PDZD2: variants seen among roughly 807,000 people sequenced by gnomAD.
PDZD2 encodes the protein PDZ domain containing 2, also known as PDZ domain-containing protein 2.
In PDZD2, 90 loss-of-function variants were observed where a neutral mutation model predicts 220.7. The ratio of observed to expected loss-of-function variants is 0.41; its 90% confidence interval spans 0.34 to 0.49. The LOEUF (loss-of-function observed/expected upper bound fraction) is 0.49. Among genes scored for constraint, PDZD2 ranks in the 20% least tolerant of loss-of-function variants. The pLI, the probability that PDZD2 is intolerant of heterozygous loss-of-function variation, is 0.28. For missense variants in PDZD2, 3,174 were observed against 3,608.5 expected, an observed-to-expected ratio of 0.88 and a Z score of 3.08; for synonymous variants, 1,375 against 1,450.5, an observed-to-expected ratio of 0.95 and a Z score of 1.18.
chr5:31,773,253 C>T lies in PDZD2; in HGVS notation c.-360-25636C>T, dbSNP rs145538289. ...AGCCCCTTTCCTTTACTCAAAAAAG[C>T]TCCTAGACTTATTTAATCATGAGAC... On this transcript the variant is annotated intron_variant, in intron 1 of 24. Coordinates refer to ENST00000438447, the MANE Select transcript of PDZD2 (RefSeq NM_178140.4). 5.3e-4 allele frequency among the ~76,000 whole-genome samples: 80 copies of T among 152,334 alleles called. No individual in the cohort carries two copies. In the East Asian group the frequency reaches 0.014, roughly 27 times the overall value.
rs1741033279 is a variant in PDZD2, at chr5:32,074,106, C to A, written c.3000C>A (p.Asp1000Glu). 4 of 1,614,078 alleles carry A rather than the reference C, an allele frequency of 2.5e-6. No individual in the cohort carries two copies. Among genetic ancestry groups the A allele is most frequent in the Non-Finnish European group, 1.7e-6 (2 of 1,180,038 alleles). The change falls in exon 18 of 25, where the codon GAC becomes GAA. Residue 1000 changes from aspartate (D) to glutamate (E), a missense_variant. By Grantham distance (45) the Asp-to-Glu change is conservative. Around this residue, in one of 4 missense-constraint regions of PDZD2, gnomAD observed 1,861 missense variants for 2,001.0 expected, o/e 0.93. Coordinates refer to ENST00000438447, the MANE Select transcript of PDZD2 (RefSeq NM_178140.4). The stretch of plus-strand genomic sequence containing the variant: ...CCATCAGGCCTCTGTCAGAGGATGA[C>A]CCGAGGCGTGTCTCAATTTCCTCTT... ...PGPIRPLSED[D>E]PRRVSISSSK...
chr5:31,751,730 T>C (rs1750985626), intron 1 of PDZD2, among the ~76,000 whole-genome samples: 1 of 152,098 alleles, frequency 6.6e-6, no homozygotes, highest in African/African-American at 2.4e-5. Flanking sequence ...TGCCCCCCAG[T>C]TCCTTGGCAT....
intron 1 of PDZD2, among the ~76,000 whole-genome samples, chr5:31,759,005 AGGTCCTCACACTGGATGAGCCAT>A (rs1212571360): frequency 2.0e-5 from 3 of 151,918 alleles, no homozygotes; most frequent in Non-Finnish European, 4.4e-5. Flanking sequence ...CATTTCCAAC[AGGTCCTCACACTGGATGAGCCAT>A]TAGCTCTGCC....
In PDZD2 at chr5:32,087,679, T is replaced by G; in HGVS notation, c.4231T>G (p.Ser1411Ala). 1 of 1,614,112 alleles carries G rather than the reference T, an allele frequency of 6.2e-7. No homozygotes were observed. Among genetic ancestry groups the G allele is most frequent in the Non-Finnish European group, 8.5e-7 (1 of 1,180,028 alleles). ...CACCAAAGAAGCATGTGGCCATGTC[T>G]CGGGGCACTGCTGCCCAGGGGGGAG... ...DNTKEACGHVSGHCCPGGSRE... is the reference protein window; with the variant it reads ...DNTKEACGHVAGHCCPGGSRE... The change falls in exon 20 of 25, where the codon TCG becomes GCG. Residue 1411 changes from serine to alanine, a missense_variant. Coordinates refer to ENST00000438447, the MANE Select transcript of PDZD2 (RefSeq NM_178140.4). This position sits in a 1 kb window ranked among gnomAD's most constrained non-coding sequence, Gnocchi z 4.0.
chr5:31,687,689 G>A (rs1746929776), intron 1 of PDZD2, among the ~76,000 whole-genome samples: 1 of 152,122 alleles, frequency 6.6e-6, no homozygotes, highest in African/African-American at 2.4e-5. Context: ...TAGTTCTGGA[G>A]GCTGGACATC....
At chr5:32,024,708 A>AAAGG (rs1157811151) in intron 6 of PDZD2, among the ~76,000 whole-genome samples, 1 of 149,822 alleles carries the variant, frequency 6.7e-6, no homozygotes, top group Non-Finnish European at 1.5e-5. Flanking sequence ...GAAAAAAAAG[A>AAAGG]AAAGGAAAGA....
intron 2 of PDZD2, among the ~76,000 whole-genome samples, chr5:31,850,611 C>T (rs554968977): frequency 6.7e-6 from 1 of 149,060 alleles, no homozygotes; most frequent in African/African-American, 2.5e-5. Context: ...TTAAGCAAGT[C>T]GTCTTTACAT....
chr5:31,858,687 C>T (rs1441827455), intron 2 of PDZD2, among the ~76,000 whole-genome samples: 2 of 152,008 alleles, frequency 1.3e-5, no homozygotes, highest in African/African-American at 4.8e-5. Flanking sequence ...TTGCATTTCT[C>T]TTTTCCTTCC....
At chr5:32,058,535 G>A (rs532405652) in intron 12 of PDZD2, among the ~76,000 whole-genome samples, 14 of 151,666 alleles carry the variant, frequency 9.2e-5, no homozygotes, top group Admixed American at 3.3e-4. Flanking sequence ...TTAGCTGGGC[G>A]TGGTGGCAAG....
chr5:32,041,904 A>C (rs1379255718), intron 7 of PDZD2, among the ~76,000 whole-genome samples: 1 of 114,202 alleles, frequency 8.8e-6, no homozygotes, highest in African/African-American at 3.1e-5. Context: ...TTTGAAAAAG[A>C]AAGCAAAAAA....
chr5:31,712,154 T>C (rs1748147083), intron 1 of PDZD2: 1 of 152,272 alleles, frequency 6.6e-6, no homozygotes, highest in African/African-American at 2.4e-5. Context: ...GCACTTGTAG[T>C]TGCCTTGGAG....
intron 1 of PDZD2, among the ~76,000 whole-genome samples, chr5:31,734,891 C>T (rs764936672): frequency 2.0e-5 from 3 of 152,222 alleles, no homozygotes; most frequent in Admixed American, 6.5e-5. Context: ...ATGCCAGCAA[C>T]GAAGAGCAAA....
chr5:31,725,813 C>T, intron 1 of PDZD2: 1 of 907,658 alleles, frequency 1.1e-6, no homozygotes, highest in Non-Finnish European at 1.8e-6. Context: ...AAAAGATCCA[C>T]TTTGGTGTTT....
intron 2 of PDZD2, among the ~76,000 whole-genome samples, chr5:31,807,423 C>T (rs1337481752): frequency 2.6e-5 from 4 of 152,294 alleles, no homozygotes; most frequent in African/African-American, 9.6e-5. Flanking sequence ...ACCTAATGTA[C>T]TGAATACAGC....
At chr5:32,041,394 A>C (rs890782343) in intron 7 of PDZD2, among the ~76,000 whole-genome samples, 2 of 151,884 alleles carry the variant, frequency 1.3e-5, no homozygotes, top group Non-Finnish European at 2.9e-5. Flanking sequence ...CAGTTTTGTC[A>C]TCAAGAAAAG....
chr5:32,020,514 T>A (rs1282485039), intron 6 of PDZD2, among the ~76,000 whole-genome samples: 2 of 152,196 alleles, frequency 1.3e-5, no homozygotes, highest in Non-Finnish European at 2.9e-5. Flanking sequence ...TTGAGATGTG[T>A]CTTCTGAGAC....
At chr5:31,748,805 G>A (rs992740740) in intron 1 of PDZD2, among the ~76,000 whole-genome samples, 1 of 152,264 alleles carries the variant, frequency 6.6e-6, no homozygotes, top group African/African-American at 2.4e-5. Flanking sequence ...AGTTCCAGGT[G>A]TGAGGTTATC....
At chr5:31,684,824 A>C (rs1214527194) in intron 1 of PDZD2, among the ~76,000 whole-genome samples, 1 of 152,048 alleles carries the variant, frequency 6.6e-6, no homozygotes, top group Non-Finnish European at 1.5e-5. Context: ...CCCTTGTCCT[A>C]GATCATCTGT....
chr5:31,876,229 T>G (rs1430491979), intron 2 of PDZD2, among the ~76,000 whole-genome samples: 1 of 152,132 alleles, frequency 6.6e-6, no homozygotes, highest in Non-Finnish European at 1.5e-5. Flanking sequence ...TTTCTTAGTA[T>G]TGCATTCTCT....
Sources: allele counts gnomAD v4.1 joint callset (sites outside exome capture counted in the v4.1 genomes callset), GRCh38; gene constraint gnomAD v4.1.1; regional missense constraint gnomAD v4.1.1; non-coding constraint Gnocchi (gnomAD v3.1); transcripts MANE v1.5; gene names NCBI Gene and HGNC (gene_info 2026-07-23, HGNC 2026-07-21).